Variants in TM7SF2 observed in about 807,000 individuals in gnomAD.
TM7SF2 encodes the protein delta(14)-sterol reductase TM7SF2.
TM7SF2 carries 51 observed loss-of-function variants against 51.0 expected under a neutral mutation model. That is an observed-to-expected ratio of 1.00 (90% CI 0.80 to 1.26). The LOEUF (loss-of-function observed/expected upper bound fraction) is 1.26. TM7SF2 is among the 50% of genes most tolerant of loss of function. TM7SF2 has a pLI of 0.00. For synonymous variants in TM7SF2, 255 were observed against 241.0 expected, an observed-to-expected ratio of 1.06 and a Z score of -0.54; for missense variants, 541 against 547.4, an observed-to-expected ratio of 0.99 and a Z score of 0.12.
At chr11:65,113,877 G>C (rs191533899) in intron 5 of TM7SF2, 1 of 466,408 alleles carries the variant, frequency 2.1e-6, no homozygotes, top group Non-Finnish European at 3.9e-6. Flanking sequence ...AGGAGAGCAC[G>C]TGCAATTCTC....
chr11:65,114,740 A>G lies in TM7SF2; in HGVS notation c.631A>G (p.Lys211Glu). 1 of 1,614,180 alleles carries G rather than the reference A, an allele frequency of 6.2e-7. No homozygotes were observed. The highest frequency in any genetic ancestry group is 8.5e-7 in the Non-Finnish European group (1 of 1,180,030). The change falls in exon 6 of 10, where the codon AAG (lysine) becomes GAG (glutamate). Residue 211 changes from lysine to glutamate, a missense_variant. By Grantham distance (56) the Lys-to-Glu change is moderately conservative. Transcript: ENST00000279263. The part of the protein sequence containing the change: ...WVLINLALLM[K>E]EAELRGSPSL... ...CCTCATCAACCTGGCCCTGTTGATG[A>G]AGGAGGCAGAGCTTCGAGGCAGTCC...
rs1257645076 is a variant in TM7SF2 at position 65,112,876 on chromosome 11, G to A, written c.304+11G>A. On this transcript the variant is annotated intron_variant, in intron 3 of 9. Coordinates refer to ENST00000279263, the MANE Select transcript of TM7SF2 (RefSeq NM_003273.6). ...GCTATCCTATTAACGGTGCCTAGGG[G>A]ACGGGCCCTCGCGCTGGAGTTAAGC... 2 of 1,550,626 alleles carry A rather than the reference G, an allele frequency of 1.3e-6. No homozygotes were observed. The highest frequency in any genetic ancestry group is 1.7e-6 in the Non-Finnish European group (2 of 1,147,044).
chr11:65,111,921 C>A lies in TM7SF2; in HGVS notation c.-95C>A. Reference sequence around the variant, plus strand: ...TGCAGGCGCCGCGGGGCCGGATCCTCCGCGCGGCCGAGTCCATCTCCTGGG... The same window carrying A: ...TGCAGGCGCCGCGGGGCCGGATCCTACGCGCGGCCGAGTCCATCTCCTGGG... On this transcript the variant is annotated 5_prime_UTR_variant, in exon 1 of 10. Transcript: ENST00000279263. 7.2e-7 allele frequency: 1 copy of A among 1,390,504 alleles called. No individual in the cohort carries two copies. Among genetic ancestry groups the A allele is most frequent in the Non-Finnish European group, 1.0e-6 (1 of 1,002,002 alleles). 86.1% of individuals were successfully genotyped at this position (1,390,504 alleles called of 1,614,324 possible). A position where few individuals can be genotyped will look rare whatever the true frequency, so the allele number is the denominator to read the frequency against.
At position 65,112,865 on chromosome 11, in the gene TM7SF2, G is replaced by T. The variant is rs1277537371; in HGVS notation, c.304G>T (p.Gly102Cys). The T allele has an allele frequency of 6.4e-7, 1 of 1,550,608 alleles. No homozygotes were observed. The highest frequency in any genetic ancestry group is 8.7e-7 in the Non-Finnish European group (1 of 1,147,090). The change falls in exon 3 of 10, where the codon GGC becomes TGC. Residue 102 changes from glycine to cysteine, a missense_variant and splice_region_variant. Coordinates refer to ENST00000279263, the MANE Select transcript of TM7SF2 (RefSeq NM_003273.6). Reference sequence around the variant, plus strand: ...GAGTCGCCTGCGCTATCCTATTAACGGTGCCTAGGGGACGGGCCCTCGCGC... The same window carrying T: ...GAGTCGCCTGCGCTATCCTATTAACTGTGCCTAGGGGACGGGCCCTCGCGC... ...DKSRLRYPIN[G>C]FQALVLTALL... is the part of the protein sequence containing the mutation.
In TM7SF2 at chr11:65,111,893, A is replaced by G. The variant is rs1300153831; in HGVS notation, c.-123A>G. 4.4e-6 allele frequency: 5 copies of G among 1,146,850 alleles called. No homozygotes were observed. The highest frequency in any genetic ancestry group is 6.4e-6 in the Non-Finnish European group (5 of 783,544). The allele number at this position is 1,146,850 out of a possible 1,614,324, so 71.0% of individuals were successfully genotyped here. A position where few individuals can be genotyped will look rare whatever the true frequency, so the allele number is the denominator to read the frequency against. The stretch of plus-strand genomic sequence containing the variant: ...CCTTGTCTGCGTTCCGTGTCCAGGC[A>G]GGTGCAGGCGCCGCGGGGCCGGATC... On this transcript the variant is annotated 5_prime_UTR_variant, in exon 1 of 10. Coordinates refer to ENST00000279263, the MANE Select transcript of TM7SF2 (RefSeq NM_003273.6).
intron 5 of TM7SF2, 135 bp from the exon 6 acceptor site, chr11:65,114,578 C>G (rs1947951286): frequency 1.8e-6 from 2 of 1,120,186 alleles, no homozygotes; most frequent in Non-Finnish European, 2.5e-6. Context: ...TCCACAGTCT[C>G]TGTCCTTGGG....
In TM7SF2 at chr11:65,113,475, C is replaced by T; in HGVS notation, c.500-16C>T. 1 of 1,614,122 alleles carries T rather than the reference C, an allele frequency of 6.2e-7. No homozygotes were observed. The highest frequency in any genetic ancestry group is 8.5e-7 in the Non-Finnish European group (1 of 1,179,942). On this transcript the variant is annotated splice_polypyrimidine_tract_variant and intron_variant, in intron 4 of 9. Transcript: ENST00000279263. ...TGGGGCGTCTGCCTGTACATTCACT[C>T]TCCAATATTCTCCAGGCAATCCGAT...
Position 65,115,321 on chromosome 11 carries a change from T to C in TM7SF2, c.900T>C (p.Gly300=). The part of the protein sequence containing the change: ...ASVICLINAT[G]YYIFRGANSQ... ...TTCACACTCTCTCACCAGCTACTGG[T>C]TACTACATCTTCCGTGGGGCGAATT... The change falls in exon 8 of 10, where the codon GGT becomes GGC. Residue 300 remains glycine, a synonymous_variant. Coordinates refer to ENST00000279263, the MANE Select transcript of TM7SF2 (RefSeq NM_003273.6). 1 of 1,614,062 alleles carries C rather than the reference T, an allele frequency of 6.2e-7. No individual in the cohort carries two copies. Among genetic ancestry groups the C allele is most frequent in the Non-Finnish European group, 8.5e-7 (1 of 1,180,000 alleles).
intron 5 of TM7SF2, 164 bp from the exon 6 acceptor site, chr11:65,114,549 G>C: frequency 1.2e-6 from 1 of 817,586 alleles, no homozygotes; most frequent in South Asian, 1.8e-5. Context: ...AGAAGAAACA[G>C]GCTGCGGGCA....
rs1361014545 is a variant in TM7SF2, at chr11:65,112,051, A to G, written c.36A>G (p.Glu12=). The change falls in exon 1 of 10, where the codon GAA becomes GAG. Residue 12 remains glutamate (E), a synonymous_variant. Coordinates refer to ENST00000279263, the MANE Select transcript of TM7SF2 (RefSeq NM_003273.6). ...CTCAGGGCCCCCGGGCCCCGCTGGAATTCGGAGGGCCCCTGGGTAATGGGG... is the reference window on the plus strand; with the variant it reads ...CTCAGGGCCCCCGGGCCCCGCTGGAGTTCGGAGGGCCCCTGGGTAATGGGG... ...APTQGPRAPL[E]FGGPLGAAAL... 6.3e-7 allele frequency: 1 copy of G among 1,597,694 alleles called. No homozygotes were observed.
rs922990725 is a variant in TM7SF2 at position 65,112,033 on chromosome 11, C to A, written c.18C>A (p.Gly6=). 15 of 1,590,062 alleles carry A rather than the reference C, an allele frequency of 9.4e-6. No homozygotes were observed. Among genetic ancestry groups the A allele is most frequent in the African/African-American group, 1.3e-5 (1 of 74,562 alleles). MAPTQ[G]PRAPLEFGGP... is the part of the protein sequence containing the mutation. ...CGGAGACCATGGCCCCCACTCAGGG[C>A]CCCCGGGCCCCGCTGGAATTCGGAG... The change falls in exon 1 of 10, where the codon GGC becomes GGA. Residue 6 remains glycine (G), a synonymous_variant. Coordinates refer to ENST00000279263, the MANE Select transcript of TM7SF2 (RefSeq NM_003273.6).
In TM7SF2 at chr11:65,112,057, A is replaced by T; in HGVS notation, c.42A>T (p.Gly14=). ...TQGPRAPLEF[G]GPLGAAALLL... The stretch of plus-strand genomic sequence containing the variant: ...GCCCCCGGGCCCCGCTGGAATTCGG[A>T]GGGCCCCTGGGTAATGGGGCAGAGA... Residue 14 remains glycine (G), a synonymous_variant, in exon 1 of 10, where the codon GGA becomes GGT. Transcript: ENST00000279263. 6.3e-7 allele frequency: 1 copy of T among 1,598,172 alleles called. No homozygotes were observed. Among genetic ancestry groups the T allele is most frequent in the Non-Finnish European group, 8.5e-7 (1 of 1,174,192 alleles).
Position 65,115,457 on chromosome 11 carries a change from C to A in TM7SF2, c.974-19C>A. The A allele has an allele frequency of 6.2e-7, 1 of 1,614,150 alleles. No individual in the cohort carries two copies. The highest frequency in any genetic ancestry group is 8.5e-7 in the Non-Finnish European group (1 of 1,180,002). The stretch of plus-strand genomic sequence containing the variant: ...AGCTGGGCTTCCTGGGAACTCTCCA[C>A]CCTGCTGTCTTTCCCCAGGGCTTGA... On this transcript the variant is annotated intron_variant, in intron 8 of 9. Transcript: ENST00000279263.
At chr11:65,113,842 T>C (rs946310573) in intron 5 of TM7SF2, 3 of 551,068 alleles carry the variant, frequency 5.4e-6, no homozygotes, top group Admixed American at 6.4e-5. Flanking sequence ...AAGTAAAATA[T>C]ATACAGCATG....
Position 65,114,989 on chromosome 11 carries a change from T to C in TM7SF2, c.800T>C (p.Val267Ala). ...FMLAFGDMAW[V>A]PFTYSLQAQF... is the part of the protein sequence containing the mutation. ...CTGGCGTTTGGGGACATGGCCTGGGTGCCCTTCACCTACAGCCTGCAGGCC... is the reference window on the plus strand; with the variant it reads ...CTGGCGTTTGGGGACATGGCCTGGGCGCCCTTCACCTACAGCCTGCAGGCC... The change falls in exon 7 of 10, where the codon GTG (valine) becomes GCG (alanine). Residue 267 changes from valine to alanine, a missense_variant. By Grantham distance (64) the Val-to-Ala change is moderately conservative. Coordinates refer to ENST00000279263, the MANE Select transcript of TM7SF2 (RefSeq NM_003273.6). 6.2e-7 allele frequency: 1 copy of C among 1,614,156 alleles called. No homozygotes were observed. The highest frequency in any genetic ancestry group is 1.6e-4 in the Middle Eastern group (1 of 6,062).
chr11:65,115,285 T>C (rs200466941), intron 7 of TM7SF2, 29 bp from the exon 8 acceptor site: 19 of 1,611,820 alleles, frequency 1.2e-5, no homozygotes, highest in Non-Finnish European at 1.5e-5. Context: ...ACCCTTGACC[T>C]TGACCACCGG....
chr11:65,115,711 G>C, intron 9 of TM7SF2, 113 bp downstream of exon 9: 6 of 1,590,994 alleles, frequency 3.8e-6, no homozygotes, highest in Non-Finnish European at 5.2e-6. Context: ...AGAGCTGGGG[G>C]TGGACCCAGT....
intron 5 of TM7SF2, among the ~76,000 whole-genome samples, chr11:65,114,118 G>A (rs564402395): frequency 1.3e-4 from 20 of 152,316 alleles, no homozygotes; most frequent in African/African-American, 3.8e-4. Flanking sequence ...AGGCAGGAGT[G>A]CCAGGTGCCC....
rs1947982130 is a variant in TM7SF2 at position 65,116,159 on chromosome 11, A to C, written c.*106A>C. 4.3e-6 allele frequency: 6 copies of C among 1,406,274 alleles called. No homozygotes were observed. The highest frequency in any genetic ancestry group is 4.0e-5 in the South Asian group (3 of 74,768). 87.1% of individuals were successfully genotyped at this position (1,406,274 alleles called of 1,614,324 possible). On this transcript the variant is annotated 3_prime_UTR_variant, in exon 10 of 10. Coordinates refer to ENST00000279263, the MANE Select transcript of TM7SF2 (RefSeq NM_003273.6). ...GGACTCAAGGGCTTGCACCCCACCC[A>C]GCCCTGAGGATGAACAACCTCAGAG... is the stretch of plus-strand genomic sequence containing the variant.
Sources: gnomAD v4.1 joint callset for allele counts (sites outside exome capture counted in the v4.1 genomes callset) on GRCh38, gnomAD v4.1.1 for gene constraint, MANE v1.5 for transcripts, NCBI Gene and HGNC (gene_info 2026-07-23, HGNC 2026-07-21) for gene names.